The following TLK2 variants were observed in gnomAD, a reference collection of about 807,000 sequenced individuals.
TLK2 encodes the protein tousled like kinase 2, also known as serine/threonine-protein kinase tousled-like 2.
In TLK2, 6 loss-of-function variants were observed where a neutral mutation model predicts 117.3. The observed-to-expected ratio is 0.05, with a 90% CI of 0.03 to 0.10. The LOEUF (loss-of-function observed/expected upper bound fraction) is 0.10, where lower values mean the gene tolerates loss of function less well. Ranked by LOEUF, TLK2 falls within the 10% of genes least tolerant of loss-of-function variation. The pLI is 1.00. For missense variants in TLK2, 299 were observed against 901.2 expected, an observed-to-expected ratio of 0.33 and a Z score of 8.56; for synonymous variants, 257 against 316.7, an observed-to-expected ratio of 0.81 and a Z score of 2.00.
chr17:62,472,560 A>G (rs1258778634), intron 1 of TLK2, among the ~76,000 whole-genome samples: 2 of 151,828 alleles, frequency 1.3e-5, no homozygotes, highest in Non-Finnish European at 2.9e-5. Flanking sequence ...AACACGGTGA[A>G]ACCCCGTCTC....
chr17:62,564,362 C>G (rs2146425998), intron 10 of TLK2, among the ~76,000 whole-genome samples: 1 of 152,122 alleles, frequency 6.6e-6, no homozygotes, highest in African/African-American at 2.4e-5. Context: ...ACAGTGAAAC[C>G]CCGTCTCTAC....
chr17:62,472,720 G>A (rs1166091715), intron 1 of TLK2, among the ~76,000 whole-genome samples: 1 of 150,706 alleles, frequency 6.6e-6, no homozygotes, highest in African/African-American at 2.4e-5. Flanking sequence ...CCTAGGCGAC[G>A]GAGCAAGACC....
chr17:62,494,469 C>T (rs1277051000), intron 2 of TLK2, among the ~76,000 whole-genome samples: 1 of 152,164 alleles, frequency 6.6e-6, no homozygotes, highest in African/African-American at 2.4e-5. Context: ...GTTGGCCAGG[C>T]TGATCTCGAA....
intron 7 of TLK2, among the ~76,000 whole-genome samples, chr17:62,541,953 G>T (rs1272511383): frequency 6.6e-6 from 1 of 152,170 alleles, no homozygotes; most frequent in African/African-American, 2.4e-5. Flanking sequence ...TATATATCAG[G>T]CTAGAGAATA....
chr17:62,583,558 T>C (rs2081370102), intron 15 of TLK2, among the ~76,000 whole-genome samples: 1 of 152,100 alleles, frequency 6.6e-6, no homozygotes, highest in Non-Finnish European at 1.5e-5. Context: ...TTTTTCCTAA[T>C]GTATTTCTTC....
chr17:62,568,431 C>CA (rs57725124), intron 11 of TLK2, among the ~76,000 whole-genome samples: 6,710 of 56,914 alleles, frequency 0.12, 306 homozygotes, highest in South Asian at 0.28. Flanking sequence ...GACCCTGTCT[C>CA]AAAAAAAAAA....
chr17:62,523,536 A>T (rs2076182421), intron 5 of TLK2, among the ~76,000 whole-genome samples: 1 of 152,242 alleles, frequency 6.6e-6, no homozygotes, highest in Non-Finnish European at 1.5e-5. Flanking sequence ...GCCATGATCT[A>T]CTGCACTCCA....
At chr17:62,601,178 A>C (rs1249775770) in intron 18 of TLK2, among the ~76,000 whole-genome samples, 1 of 152,152 alleles carries the variant, frequency 6.6e-6, no homozygotes, top group East Asian at 1.9e-4. Context: ...AGAGCCCCCA[A>C]ATTAATAACT....
intron 16 of TLK2, among the ~76,000 whole-genome samples, chr17:62,594,223 C>A (rs1389494620): frequency 6.6e-6 from 1 of 152,076 alleles, no homozygotes; most frequent in Non-Finnish European, 1.5e-5. Context: ...ACCTGGCCAA[C>A]ATGGCAAAAC....
intron 6 of TLK2, 69 bp from the exon 7 acceptor site, chr17:62,536,101 C>A: frequency 6.5e-7 from 1 of 1,527,446 alleles, no homozygotes. Flanking sequence ...GTTTTTAACC[C>A]GTTGCATGTT....
At chr17:62,473,272 T>C (rs575002781) in intron 1 of TLK2, among the ~76,000 whole-genome samples, 12 of 152,258 alleles carry the variant, frequency 7.9e-5, no homozygotes, top group African/African-American at 2.9e-4. Flanking sequence ...CTTCATCTTC[T>C]ATCTATGGCT....
At chr17:62,505,499 C>T (rs184888731) in intron 2 of TLK2, among the ~76,000 whole-genome samples, 4 of 147,950 alleles carry the variant, frequency 2.7e-5, no homozygotes, top group Admixed American at 2.1e-4. Flanking sequence ...GTGGTCCTCC[C>T]GCCTTAGACT....
chr17:62,486,167 CTT>C (rs1214306141), intron 2 of TLK2, among the ~76,000 whole-genome samples: 1 of 150,390 alleles, frequency 6.6e-6, no homozygotes, highest in African/African-American at 2.4e-5. Context: ...TGTCCTACCT[CTT>C]TTTTTGAGAC....
chr17:62,589,393 T>C (rs1421389305), intron 16 of TLK2, among the ~76,000 whole-genome samples: 1 of 152,142 alleles, frequency 6.6e-6, no homozygotes, highest in African/African-American at 2.4e-5. Flanking sequence ...TGTTAACTTA[T>C]AAGAGAGTAA....
chr17:62,512,273 G>A (rs2075211546), intron 2 of TLK2, among the ~76,000 whole-genome samples: 1 of 120,760 alleles, frequency 8.3e-6, no homozygotes, highest in Non-Finnish European at 1.6e-5. Context: ...CCAGGCTGGA[G>A]TACAAATGGC....
intron 14 of TLK2, among the ~76,000 whole-genome samples, chr17:62,579,293 C>T (rs1484464043): frequency 4.6e-5 from 7 of 152,026 alleles, no homozygotes; most frequent in South Asian, 2.1e-4. Flanking sequence ...TCATTTAATC[C>T]GCAGGATAAC....
intron 2 of TLK2, among the ~76,000 whole-genome samples, chr17:62,481,733 A>G (rs1335451729): frequency 2.0e-5 from 3 of 152,130 alleles, no homozygotes; most frequent in African/African-American, 7.2e-5. Context: ...GGCCCCCATT[A>G]ACGGGCACGT....
At chr17:62,576,966 C>CTTTTTTTTTTTTTTTTTTTTTTTTTTTT (rs59523807) in intron 13 of TLK2, among the ~76,000 whole-genome samples, 191 bp downstream of exon 13, 13 of 115,948 alleles carry the variant, frequency 1.1e-4, no homozygotes, top group African/African-American at 2.1e-4. Context: ...CTTTCTTCTT[C>CTTTTTTTTTTTTTTTTTTTTTTTTTTTT]TTTTTTTTTT....
chr17:62,573,946 A>G (rs71375870), intron 12 of TLK2, among the ~76,000 whole-genome samples: 3 of 152,220 alleles, frequency 2.0e-5, no homozygotes, highest in South Asian at 4.1e-4. Flanking sequence ...CTGTCACTCA[A>G]CAATATTTAC....
Sources: gnomAD v4.1 joint callset for allele counts (sites outside exome capture counted in the v4.1 genomes callset) on GRCh38, gnomAD v4.1.1 for gene constraint, MANE v1.5 for transcripts, NCBI Gene and HGNC (gene_info 2026-07-23, HGNC 2026-07-21) for gene names.